Variants in VPS8 observed in about 807,000 individuals in gnomAD.
VPS8 encodes the protein VPS8 subunit of CORVET complex, also known as vacuolar protein sorting-associated protein 8 homolog.
A neutral mutation model predicts 216.4 loss-of-function variants in VPS8; 129 were observed. That is an observed-to-expected ratio of 0.60 (90% CI 0.52 to 0.69). The LOEUF is 0.69. Ranked by LOEUF, VPS8 falls within the 30% of genes least tolerant of loss-of-function variation. The pLI is 0.00. For synonymous variants in VPS8, 571 were observed against 565.4 expected (o/e 1.01, Z -0.14); for missense variants, 1,531 against 1,683.5 (o/e 0.91, Z 1.59).
At chr3:185,010,693 C>T (rs1180385373) in intron 45 of VPS8, among the ~76,000 whole-genome samples, 1 of 152,024 alleles carries the variant, frequency 6.6e-6, no homozygotes, top group East Asian at 1.9e-4. Context: ...CCAAATCAAA[C>T]ACAGAAAGAA....
At chr3:185,042,498 TCA>T (rs1302693842) in intron 46 of VPS8, among the ~76,000 whole-genome samples, 2 of 152,218 alleles carry the variant, frequency 1.3e-5, no homozygotes, top group Non-Finnish European at 2.9e-5. Context: ...GGGGTCAGTC[TCA>T]CTGTCATCCA....
rs79455579 is a variant in VPS8 at position 184,818,152 on chromosome 3, G to A, written c.-89+5927G>A. Among the ~76,000 whole-genome samples the A allele has an allele frequency of 7.0e-4, 106 of 151,864 alleles. 1 individual carries two copies. The East Asian group carries it at 0.019, about 27-fold the overall frequency. On this transcript the variant is annotated intron_variant, in intron 1 of 47. Coordinates refer to ENST00000625842, the MANE Select transcript of VPS8 (RefSeq NM_001009921.3). The stretch of plus-strand genomic sequence containing the variant: ...ATAAATTCAATTGTAAGGGAAGGAG[G>A]CAGAAGGATCAGCTCGTGTGATATC...
intron 45 of VPS8, among the ~76,000 whole-genome samples, chr3:185,011,531 A>G (rs1164014768): frequency 6.6e-6 from 1 of 152,254 alleles, no homozygotes; most frequent in African/African-American, 2.4e-5. Context: ...CAAATTGTGT[A>G]CAGACAGACA....
intron 46 of VPS8, among the ~76,000 whole-genome samples, chr3:185,029,306 G>A (rs1235962781): frequency 2.6e-5 from 4 of 152,186 alleles, no homozygotes; most frequent in African/African-American, 7.2e-5. Flanking sequence ...AAACACAAAG[G>A]AAGCAGCAGT....
rs550462382 is a variant in VPS8, at chr3:185,013,047, T to C, written c.4003-11289T>C. ...TAAAGGGATGGGTCTGGCTCCTTAC[T>C]TGCAGCAGGAACATGTCCTTAAGAC... On this transcript the variant is annotated intron_variant, in intron 45 of 47. Coordinates refer to ENST00000625842, the MANE Select transcript of VPS8 (RefSeq NM_001009921.3). Among the ~76,000 whole-genome samples the C allele has an allele frequency of 4.6e-5, 7 of 152,348 alleles. No individual in the cohort carries two copies. The East Asian group carries it at 1.3e-3, about 29-fold the overall frequency.
chr3:184,983,563 C>T (rs185489282), intron 42 of VPS8, among the ~76,000 whole-genome samples: 1 of 152,220 alleles, frequency 6.6e-6, no homozygotes, highest in Non-Finnish European at 1.5e-5. Flanking sequence ...GGCTTTGTGT[C>T]CAAAGCTTTT....
chr3:184,819,136 A>C (rs1177106459), intron 1 of VPS8, among the ~76,000 whole-genome samples: 1 of 152,188 alleles, frequency 6.6e-6, no homozygotes, highest in Admixed American at 6.5e-5. Context: ...TGGTCCTTGA[A>C]TCTATTAATT....
chr3:184,969,253 G>A (rs958565490), intron 39 of VPS8, among the ~76,000 whole-genome samples: 1 of 151,494 alleles, frequency 6.6e-6, no homozygotes, highest in Non-Finnish European at 1.5e-5. Context: ...GAGTAGCTGG[G>A]ATTATAGGTG....
chr3:184,903,035 G>A (rs932619608), intron 25 of VPS8, among the ~76,000 whole-genome samples: 1 of 151,970 alleles, frequency 6.6e-6, no homozygotes, highest in Non-Finnish European at 1.5e-5. Context: ...ACCATTTATT[G>A]GTAAGATTAT....
At chr3:184,920,621 A>T (rs1262579718) in intron 29 of VPS8, among the ~76,000 whole-genome samples, 1 of 152,198 alleles carries the variant, frequency 6.6e-6, no homozygotes, top group Non-Finnish European at 1.5e-5. Flanking sequence ...CTTAAGAATG[A>T]TTTGAGGCAC....
At chr3:184,977,378 G>A (rs1749452319) in intron 40 of VPS8, among the ~76,000 whole-genome samples, 1 of 152,064 alleles carries the variant, frequency 6.6e-6, no homozygotes, top group Admixed American at 6.6e-5. Context: ...TGCATAGTTT[G>A]TGAATATTTT....
intron 21 of VPS8, among the ~76,000 whole-genome samples, chr3:184,872,102 A>G (rs1266602743): frequency 1.3e-5 from 2 of 152,184 alleles, no homozygotes; most frequent in Admixed American, 6.5e-5. Flanking sequence ...CTGTTTGGAA[A>G]CAATACTTTA....
chr3:184,840,828 C>T (rs1722010962), intron 7 of VPS8, among the ~76,000 whole-genome samples: 1 of 152,010 alleles, frequency 6.6e-6, no homozygotes, highest in Admixed American at 6.6e-5. Flanking sequence ...AGACTTGAGA[C>T]ACTGTATTTA....
intron 41 of VPS8, 107 bp from the exon 42 acceptor site, chr3:184,982,905 A>G (rs1188746237): frequency 4.9e-6 from 5 of 1,019,442 alleles, no homozygotes; most frequent in Non-Finnish European, 6.9e-6. Context: ...TTGGTTAGCT[A>G]AGTTTCTAAG....
At chr3:184,941,895 A>AT (rs1742772417) in intron 36 of VPS8, among the ~76,000 whole-genome samples, 1 of 151,018 alleles carries the variant, frequency 6.6e-6, no homozygotes, top group Non-Finnish European at 1.5e-5. Flanking sequence ...GACCAAGTAT[A>AT]TTTTTTTATT....
At chr3:184,855,630 A>T in intron 13 of VPS8, 81 bp from the exon 14 acceptor site, 4 of 1,116,586 alleles carry the variant, frequency 3.6e-6, no homozygotes, top group East Asian at 4.8e-5. Context: ...CACTAGTCAG[A>T]TGCTGTTTTT....
chr3:185,005,088 T>C (rs1163678322), intron 45 of VPS8, among the ~76,000 whole-genome samples: 2 of 152,192 alleles, frequency 1.3e-5, no homozygotes, highest in Non-Finnish European at 2.9e-5. Context: ...TTCTTCTACA[T>C]GTGGCTTGCC....
intron 40 of VPS8, among the ~76,000 whole-genome samples, chr3:184,976,766 C>T (rs963065689): frequency 2.0e-5 from 3 of 152,080 alleles, no homozygotes; most frequent in Non-Finnish European, 4.4e-5. Context: ...GCCTCCAGCT[C>T]CATTTATGTT....
chr3:185,009,149 A>G (rs1754647810), intron 45 of VPS8, among the ~76,000 whole-genome samples: 1 of 152,202 alleles, frequency 6.6e-6, no homozygotes, highest in East Asian at 1.9e-4. Context: ...TGATGCAGAA[A>G]AATCTTCATA....
Sources: gnomAD v4.1 joint callset for allele counts (sites outside exome capture counted in the v4.1 genomes callset) on GRCh38, gnomAD v4.1.1 for gene constraint, MANE v1.5 for transcripts, NCBI Gene and HGNC (gene_info 2026-07-23, HGNC 2026-07-21) for gene names.